MTA3: variants seen among roughly 807,000 people sequenced by gnomAD.
The protein encoded by MTA3 is metastasis associated 1 family member 3, also known as metastasis-associated protein MTA3.
In MTA3, 34 loss-of-function variants were observed where a neutral mutation model predicts 83.5. The ratio of observed to expected loss-of-function variants is 0.41; its 90% CI spans 0.31 to 0.54. The LOEUF (loss-of-function observed/expected upper bound fraction) is 0.54, where lower values mean the gene tolerates loss of function less well. Ranked by LOEUF, MTA3 falls within the 20% of genes least tolerant of loss-of-function variation. The pLI is 0.33. For synonymous variants in MTA3, 303 were observed against 252.7 expected (o/e 1.20, Z -1.89); for missense variants, 761 against 726.4 (o/e 1.05, Z -0.55).
chr2:42,516,927 C>G (rs1251080110), intron 2 of MTA3, among the ~76,000 whole-genome samples: 1 of 152,130 alleles, frequency 6.6e-6, no homozygotes, highest in African/African-American at 2.4e-5. Context: ...GAGTTCAAGA[C>G]CAGCCTGGGC....
At chr2:42,746,920 T>C (rs1669477522) in intron 16 of MTA3, among the ~76,000 whole-genome samples, 1 of 151,818 alleles carries the variant, frequency 6.6e-6, no homozygotes, top group Non-Finnish European at 1.5e-5. Flanking sequence ...CATGTAGAAA[T>C]GTGATTGGAC....
At chr2:42,643,835 C>T (rs2272447) in intron 5 of MTA3, among the ~76,000 whole-genome samples, 119,491 of 152,148 alleles carry the variant, frequency 0.79, 47,855 homozygotes, top group African/African-American at 0.94. Context: ...TTTGCTAGCT[C>T]TTGAAACTCT....
At chr2:42,587,547 A>C (rs899950660) in intron 3 of MTA3, among the ~76,000 whole-genome samples, 1 of 152,056 alleles carries the variant, frequency 6.6e-6, no homozygotes, top group East Asian at 1.9e-4. Flanking sequence ...AAATGGTAGC[A>C]GAATGTTTTC....
intron 16 of MTA3, among the ~76,000 whole-genome samples, chr2:42,726,142 A>G (rs962486009): frequency 1.6e-4 from 24 of 152,322 alleles, no homozygotes; most frequent in African/African-American, 5.5e-4. Context: ...ATCCAATAAT[A>G]AAATCAATTA....
chr2:42,676,972 G>A (rs900055453), intron 8 of MTA3, among the ~76,000 whole-genome samples: 5 of 152,032 alleles, frequency 3.3e-5, no homozygotes, highest in Non-Finnish European at 5.9e-5. Context: ...AATTACAGTA[G>A]TCTTTCTTTT....
intron 3 of MTA3, among the ~76,000 whole-genome samples, chr2:42,598,258 G>T (rs1682090091): frequency 6.6e-6 from 1 of 151,346 alleles, no homozygotes; most frequent in Non-Finnish European, 1.5e-5. Context: ...GTAGAGATGG[G>T]GTTTCACTGT....
intron 2 of MTA3, among the ~76,000 whole-genome samples, chr2:42,557,796 A>G (rs1039408554): frequency 1.3e-5 from 2 of 152,136 alleles, no homozygotes; most frequent in African/African-American, 4.8e-5. Flanking sequence ...GTAGCTACAA[A>G]CCTACAGATA....
chr2:42,707,168 A>T lies in MTA3; in HGVS notation c.1151-735A>T, dbSNP rs921724342. On this transcript the variant is annotated intron_variant, in intron 12 of 16. Transcript: ENST00000405094. ...TTTTATTAGATTCCTGACTTTATCA[A>T]TGAGACCTCCCTGAGTACCTTAAAT... Among the ~76,000 whole-genome samples, 8 of 152,188 alleles carry T rather than the reference A, an allele frequency of 5.3e-5. No individual in the cohort carries two copies. In the South Asian group the frequency reaches 1.7e-3, roughly 32 times the overall value.
chr2:42,743,620 A>G (rs1669195879), intron 16 of MTA3, among the ~76,000 whole-genome samples: 1 of 152,298 alleles, frequency 6.6e-6, no homozygotes, highest in African/African-American at 2.4e-5. Flanking sequence ...GAGTAATACA[A>G]TTTTTGAGAC....
intron 5 of MTA3, among the ~76,000 whole-genome samples, chr2:42,640,619 A>G (rs1035150307): frequency 6.6e-6 from 1 of 151,884 alleles, no homozygotes; most frequent in Non-Finnish European, 1.5e-5. Context: ...TCCAGATGAG[A>G]TTTTACCTTT....
intron 4 of MTA3, among the ~76,000 whole-genome samples, chr2:42,631,260 T>C (rs1190157118): frequency 6.6e-6 from 1 of 152,214 alleles, no homozygotes; most frequent in Non-Finnish European, 1.5e-5. Context: ...GGAGGAAAAC[T>C]AGAGGAAAAA....
At chr2:42,723,293 T>G (rs779414556) in intron 16 of MTA3, 1 of 440,248 alleles carries the variant, frequency 2.3e-6, no homozygotes, top group Non-Finnish European at 4.1e-6. Flanking sequence ...ATTTAGCAGA[T>G]TGCTTCTGCT....
At chr2:42,546,770 A>G (rs1247124865) in intron 2 of MTA3, among the ~76,000 whole-genome samples, 1 of 152,202 alleles carries the variant, frequency 6.6e-6, no homozygotes, top group African/African-American at 2.4e-5. Context: ...ATCCGTGTTC[A>G]TATAATCTGT....
chr2:42,518,030 C>A (rs1281797623), intron 2 of MTA3, among the ~76,000 whole-genome samples: 1 of 151,328 alleles, frequency 6.6e-6, no homozygotes, highest in Non-Finnish European at 1.5e-5. Flanking sequence ...TACTAAAATA[C>A]AAAAAATTAG....
chr2:42,747,932 T>A (rs541068161), intron 16 of MTA3, among the ~76,000 whole-genome samples: 179 of 152,218 alleles, frequency 1.2e-3, no homozygotes, highest in Non-Finnish European at 2.3e-3. Context: ...CACCCCATTA[T>A]AATCCTCCCA....
At chr2:42,572,715 CTTTTG>C (rs937461411) in intron 2 of MTA3, among the ~76,000 whole-genome samples, 7 of 152,082 alleles carry the variant, frequency 4.6e-5, no homozygotes, top group African/African-American at 1.2e-4. Flanking sequence ...GGAGAAGAAA[CTTTTG>C]TTTTGTTTTG....
rs1012459441 is a variant in MTA3, at chr2:42,755,479, C to G, written c.*2080C>G. 45 of 985,464 alleles carry G rather than the reference C, an allele frequency of 4.6e-5. No individual in the cohort carries two copies. In the African/African-American group the frequency reaches 7.1e-4, roughly 16 times the overall value. The allele number at this position is 985,464 out of a possible 1,614,324, so 61.0% of individuals were successfully genotyped here. On this transcript the variant is annotated 3_prime_UTR_variant, in exon 17 of 17. Coordinates refer to ENST00000405094, the MANE Select transcript of MTA3 (RefSeq NM_001330442.2). The stretch of plus-strand genomic sequence containing the variant: ...GGCTTTGGGAAAAGCGCAGCTTGTT[C>G]GAGCCACGTGTGCCAAGCAGGCTTT...
At chr2:42,628,241 T>C (rs1686319980) in intron 4 of MTA3, among the ~76,000 whole-genome samples, 2 of 151,368 alleles carry the variant, frequency 1.3e-5, no homozygotes, top group Admixed American at 1.3e-4. Flanking sequence ...TTTATTTATT[T>C]ATTTTTGAGA....
chr2:42,729,155 A>G (rs1489061614), intron 16 of MTA3, among the ~76,000 whole-genome samples: 1 of 122,684 alleles, frequency 8.2e-6, no homozygotes, highest in Admixed American at 1.1e-4. Context: ...GTGCAGTGGC[A>G]CAATCTCGGC....
Sources: allele counts gnomAD v4.1 joint callset (sites outside exome capture counted in the v4.1 genomes callset), GRCh38; gene constraint gnomAD v4.1.1; transcripts MANE v1.5; gene names NCBI Gene and HGNC (gene_info 2026-07-23, HGNC 2026-07-21).